The following TEK variants were observed in gnomAD, a reference collection of about 807,000 sequenced individuals.
TEK encodes the protein angiopoietin-1 receptor.
Under a neutral mutation model 131.8 loss-of-function variants are expected in TEK, and 43 were observed. The observed-to-expected ratio is 0.33, with a 90% CI of 0.26 to 0.42. The LOEUF is 0.42. TEK is among the 10% of genes least tolerant of loss of function. TEK has a pLI of 1.00. For missense variants in TEK, 1,162 were observed against 1,384.4 expected, an observed-to-expected ratio of 0.84 and a Z score of 2.55; for synonymous variants, 580 against 491.6, an observed-to-expected ratio of 1.18 and a Z score of -2.38.
intron 19 of TEK, among the ~76,000 whole-genome samples, chr9:27,218,412 T>C (rs2131241645): frequency 6.6e-6 from 1 of 152,200 alleles, no homozygotes; most frequent in African/African-American, 2.4e-5. Context: ...AAGAATACAC[T>C]AAGAGGTCCC....
chr9:27,217,769 T>G lies in TEK; in HGVS notation c.3062+11T>G. ...AACCAACAGTGATGTGTGAGTAAAC[T>G]TCTTATTGCCAAGGGATTTTTTTTC... On this transcript the variant is annotated intron_variant, in intron 19 of 22. Coordinates refer to ENST00000380036, the MANE Select transcript of TEK (RefSeq NM_000459.5). 2 of 1,575,034 alleles carry G rather than the reference T, an allele frequency of 1.3e-6. No individual in the cohort carries two copies. Among genetic ancestry groups the G allele is most frequent in the Non-Finnish European group, 1.7e-6 (2 of 1,167,694 alleles).
intron 1 of TEK, among the ~76,000 whole-genome samples, chr9:27,110,893 A>G (rs1208268138): frequency 7.0e-6 from 1 of 142,408 alleles, no homozygotes; most frequent in Non-Finnish European, 1.5e-5. Flanking sequence ...TGTACTTCAA[A>G]TAATTATCAT....
intron 13 of TEK, 58 bp downstream of exon 13, chr9:27,203,177 G>T: frequency 6.3e-7 from 1 of 1,587,914 alleles, no homozygotes; most frequent in Non-Finnish European, 8.6e-7. Flanking sequence ...TAGGCAGCTG[G>T]TTTATCAGGA....
At chr9:27,145,248 G>C (rs1720210008) in intron 1 of TEK, among the ~76,000 whole-genome samples, 1 of 152,166 alleles carries the variant, frequency 6.6e-6, no homozygotes, top group African/African-American at 2.4e-5. Flanking sequence ...GTTAAGGTCA[G>C]CCCTGTAAAA....
chr9:27,205,145 G>T (rs1166146931), intron 14 of TEK, 80 bp downstream of exon 14: 1 of 1,556,092 alleles, frequency 6.4e-7, no homozygotes, highest in Non-Finnish European at 8.8e-7. Flanking sequence ...TATGGACCAG[G>T]AAATTTACTT....
intron 11 of TEK, among the ~76,000 whole-genome samples, 191 bp downstream of exon 11, chr9:27,192,814 T>G (rs1460391124): frequency 2.0e-5 from 3 of 152,126 alleles, no homozygotes; most frequent in African/African-American, 7.2e-5. Context: ...TGTTCCTTTA[T>G]TTGGGTTGGA....
chr9:27,135,391 G>A (rs111494861), intron 1 of TEK, among the ~76,000 whole-genome samples: 1,759 of 152,108 alleles, frequency 0.012, 41 homozygotes, highest in African/African-American at 0.04. Context: ...GCCACCTTAG[G>A]AGGGTCTAGT....
chr9:27,213,736 G>A (rs1825716749), intron 18 of TEK, 139 bp downstream of exon 18: 3 of 699,434 alleles, frequency 4.3e-6, no homozygotes, highest in Non-Finnish European at 5.2e-6. Flanking sequence ...TGTGCCCTGG[G>A]AAACATTCTT....
intron 1 of TEK, among the ~76,000 whole-genome samples, chr9:27,126,739 G>T (rs1260761217): frequency 2.0e-5 from 3 of 152,176 alleles, no homozygotes; most frequent in Non-Finnish European, 4.4e-5. Context: ...GGAGACAGTA[G>T]TGATGGAAGC....
chr9:27,154,318 C>T (rs1433964945), intron 1 of TEK, among the ~76,000 whole-genome samples: 1 of 152,202 alleles, frequency 6.6e-6, no homozygotes. Flanking sequence ...CCTCCCTGAC[C>T]TCAGGTGATC....
intron 1 of TEK, among the ~76,000 whole-genome samples, chr9:27,141,681 A>T (rs2131086566): frequency 6.6e-6 from 1 of 152,258 alleles, no homozygotes; most frequent in East Asian, 1.9e-4. Flanking sequence ...ATATTTTCTC[A>T]TCTTTAGTGG....
intron 2 of TEK, 97 bp downstream of exon 2, chr9:27,158,239 A>G (rs1358628059): frequency 2.2e-6 from 3 of 1,362,478 alleles, no homozygotes; most frequent in African/African-American, 1.4e-5. Flanking sequence ...GGCATGCACT[A>G]CCTGAATGTA....
chr9:27,191,280 C>A (rs1325622363), intron 10 of TEK, among the ~76,000 whole-genome samples: 3 of 152,070 alleles, frequency 2.0e-5, no homozygotes, highest in African/African-American at 7.2e-5. Context: ...CCTCCCCTAA[C>A]TTCCTGAAAG....
intron 1 of TEK, among the ~76,000 whole-genome samples, chr9:27,137,599 A>C (rs187671236): frequency 9.8e-4 from 149 of 152,246 alleles, no homozygotes; most frequent in African/African-American, 3.4e-3. Flanking sequence ...TATATTTCCT[A>C]ATAAAAATCA....
At chr9:27,111,516 T>G (rs1821345638) in intron 1 of TEK, among the ~76,000 whole-genome samples, 1 of 143,662 alleles carries the variant, frequency 7.0e-6, no homozygotes, top group Non-Finnish European at 1.5e-5. Flanking sequence ...TGTTTCTTTT[T>G]TCTGAACCCA....
intron 1 of TEK, among the ~76,000 whole-genome samples, chr9:27,123,350 G>C (rs17761403): frequency 0.12 from 18,121 of 152,112 alleles, 1,304 homozygotes; most frequent in East Asian, 0.3. Context: ...GGTACTAAAA[G>C]GATATGCGGG....
intron 18 of TEK, among the ~76,000 whole-genome samples, chr9:27,214,127 A>G (rs376586421): frequency 6.6e-6 from 1 of 152,190 alleles, no homozygotes; most frequent in Non-Finnish European, 1.5e-5. Flanking sequence ...CCCAAACAGT[A>G]ATATTTTATC....
intron 14 of TEK, among the ~76,000 whole-genome samples, chr9:27,205,797 C>G (rs990464135): frequency 2.6e-5 from 4 of 152,242 alleles, no homozygotes; most frequent in East Asian, 1.9e-4. Flanking sequence ...TTTATCAATT[C>G]TGTATATAAT....
intron 1 of TEK, among the ~76,000 whole-genome samples, chr9:27,109,990 AC>A (rs1389704322): frequency 5.9e-4 from 6 of 10,146 alleles, no homozygotes; most frequent in Non-Finnish European, 2.0e-3. Flanking sequence ...TTTTTAAAGA[AC>A]AAACCGGTTT....
Sources: allele counts gnomAD v4.1 joint callset (sites outside exome capture counted in the v4.1 genomes callset), GRCh38; gene constraint gnomAD v4.1.1; transcripts MANE v1.5; gene names NCBI Gene and HGNC (gene_info 2026-07-23, HGNC 2026-07-21).